POLE: variants seen among roughly 807,000 people sequenced by gnomAD.
POLE encodes the protein DNA polymerase epsilon, catalytic subunit.
POLE carries 188 observed loss-of-function variants against 279.2 expected under a neutral mutation model. That is an observed-to-expected ratio of 0.67 (90% confidence interval 0.60 to 0.76). POLE has a LOEUF of 0.76. Among genes scored for constraint, POLE ranks in the 30% least tolerant of loss-of-function variants. POLE has a pLI of 0.00. For missense variants in POLE, 2,703 were observed against 3,016.7 expected (o/e 0.90, Z 2.44); for synonymous variants, 1,214 against 1,172.5 (o/e 1.04, Z -0.72).
chr12:132,673,587 C>T lies in POLE; in HGVS notation c.1347G>A (p.Thr449=), dbSNP rs142373951. ...LDPEDMCRMA[T]EQPQTLATYS... ...GTGGCTTACGTGCCTGGGGCTGCTC[C>T]GTGGCCATCCGGCACATGTCCTCCG... Residue 449 remains threonine (T), a synonymous_variant, in exon 13 of 49, where the codon ACG becomes ACA. Transcript: ENST00000320574. 6.8e-4 allele frequency: 1,100 copies of T among 1,612,642 alleles called. 3 individuals carry two copies. Among genetic ancestry groups the T allele is most frequent in the Non-Finnish European group, 6.6e-4 (779 of 1,179,984 alleles).
chr12:132,642,959 T>A lies in POLE; in HGVS notation c.4589A>T (p.Tyr1530Phe), dbSNP rs761715703. 6.2e-7 allele frequency: 1 copy of A among 1,602,378 alleles called. No homozygotes were observed. ...SNQMPSLGALYSAEHGLLLEK... is the reference protein window; with the variant it reads ...SNQMPSLGALFSAEHGLLLEK... ...CAGGAGGAGGCCGTGCTCTGCTGAG[T>A]ACAGGGCGCCAAGGCTGGGCATCTG... The change falls in exon 36 of 49, where the codon TAC (tyrosine) becomes TTC (phenylalanine). Residue 1530 changes from tyrosine to phenylalanine, a missense_variant. Tyr to Phe is a conservative substitution (Grantham distance 22). This residue lies in a region of POLE where 1,551 missense variants were observed against 1,686.1 expected (regional missense o/e 0.92). Transcript: ENST00000320574.
chr12:132,640,435 C>A (rs1006409651), intron 39 of POLE, among the ~76,000 whole-genome samples: 14 of 152,260 alleles, frequency 9.2e-5, no homozygotes, highest in Admixed American at 9.2e-4. Context: ...GGTACCTAGA[C>A]ACAGGTCACA....
At chr12:132,674,318 CCTT>C (rs952526055) in intron 12 of POLE, among the ~76,000 whole-genome samples, 3 of 152,166 alleles carry the variant, frequency 2.0e-5, no homozygotes, top group South Asian at 2.1e-4. Flanking sequence ...CACCCTGTGG[CCTT>C]CTTCTCTCAC....
intron 29 of POLE, among the ~76,000 whole-genome samples, chr12:132,652,599 C>T (rs1052040347): frequency 5.3e-5 from 8 of 152,164 alleles, no homozygotes; most frequent in Non-Finnish European, 8.8e-5. Flanking sequence ...ACTGCAATTA[C>T]AGGCATGAGC....
In POLE at chr12:132,639,538, T is replaced by TCAACACAA. The variant is rs2042099682; in HGVS notation, c.5379-241_5379-240insTTGTGTTG. ...TTAAACTTGTTCAGGCTTCACCGCA[T>TCAACACAA]CCCAAACTCTGTGTGTTCTAAAGCA... On this transcript the variant is annotated intron_variant, in intron 39 of 48. Transcript: ENST00000320574. This position sits in a 1 kb window ranked among gnomAD's most constrained non-coding sequence, Gnocchi z 4.7. Among the ~76,000 whole-genome samples the TCAACACAA allele has an allele frequency of 6.6e-6, 1 of 151,720 alleles. No homozygotes were observed. The highest frequency in any genetic ancestry group is 6.6e-5 in the Admixed American group (1 of 15,256).
rs962542609 is a variant in POLE, at chr12:132,675,614, G to A, written c.1107-97C>T. 6.3e-6 allele frequency: 10 copies of A among 1,590,220 alleles called. No homozygotes were observed. The highest frequency in any genetic ancestry group is 2.2e-5 in the East Asian group (1 of 44,712). On this transcript the variant is annotated intron_variant, in intron 11 of 48. Coordinates refer to ENST00000320574, the MANE Select transcript of POLE (RefSeq NM_006231.4). The surrounding 1 kb of genome is among the most constrained non-coding windows in gnomAD (Gnocchi z 4.3). ...CAGACCCAGGGAGGAACCCAGACAC[G>A]GGAGGTGCAGAGTGAACCCAGGAGC...
intron 16 of POLE, among the ~76,000 whole-genome samples, chr12:132,671,413 G>A (rs2042925513): frequency 6.6e-6 from 1 of 151,360 alleles, no homozygotes; most frequent in African/African-American, 2.5e-5. Context: ...CCTCACACCT[G>A]TAATCCCAGC....
rs1483809345 is a variant in POLE, at chr12:132,676,630, G to C, written c.825C>G (p.Asp275Glu). Residue 275 changes from aspartate (D) to glutamate (E), a missense_variant, in exon 9 of 49, where the codon GAC becomes GAG. Around this residue, in one of 5 missense-constraint regions of POLE, gnomAD observed 1,011 missense variants for 1,111.7 expected, o/e 0.91. Transcript: ENST00000320574. ...TGAGGGGCAGTTTGGTCGTCTCAAT[G>C]TCAAATGCCAAAACCACAGGGTCCT... is the stretch of plus-strand genomic sequence containing the variant. The part of the protein sequence containing the change: ...ERPDPVVLAF[D>E]IETTKLPLKF... 5.0e-6 allele frequency: 8 copies of C among 1,613,272 alleles called. No homozygotes were observed. Among genetic ancestry groups the C allele is most frequent in the Non-Finnish European group, 6.8e-6 (8 of 1,179,278 alleles).
At chr12:132,647,416 A>G (rs2042310914) in intron 32 of POLE, among the ~76,000 whole-genome samples, 1 of 152,146 alleles carries the variant, frequency 6.6e-6, no homozygotes, top group Admixed American at 6.5e-5. Flanking sequence ...AAAATTAAAA[A>G]TAATTTAAAG....
Position 132,639,138 on chromosome 12 carries a change from T to G in POLE, c.5539A>C (p.Lys1847Gln), listed in dbSNP as rs757533247. 6.2e-7 allele frequency: 1 copy of G among 1,614,078 alleles called. No homozygotes were observed. The highest frequency in any genetic ancestry group is 8.5e-7 in the Non-Finnish European group (1 of 1,180,004). Residue 1847 changes from lysine (K) to glutamine (Q), a missense_variant, in exon 40 of 49, where the codon AAG (lysine) becomes CAG (glutamine). By Grantham distance (53) the Lys-to-Gln change is moderately conservative. Around this residue, in one of 5 missense-constraint regions of POLE, gnomAD observed 1,551 missense variants for 1,686.1 expected, o/e 0.92. Transcript: ENST00000320574. This position sits in a 1 kb window ranked among gnomAD's most constrained non-coding sequence, Gnocchi z 4.7. ...AGGAGCACTCACTGCAGGAAGAGCTTCTTCATCATGTTGTGGAGTGTGCGG... is the reference window on the plus strand; with the variant it reads ...AGGAGCACTCACTGCAGGAAGAGCTGCTTCATCATGTTGTGGAGTGTGCGG... ...LHRTLHNMMK[K>Q]LFLQLIAEFK...
chr12:132,668,849 C>A lies in POLE; in HGVS notation c.1885G>T (p.Ala629Ser), dbSNP rs1481858602. The change falls in exon 17 of 49, where the codon GCC becomes TCC. Residue 629 changes from alanine to serine, a missense_variant. Transcript: ENST00000320574. This position sits in a 1 kb window ranked among gnomAD's most constrained non-coding sequence, Gnocchi z 4.0. ...GTCAGGATGATGTTGGGGTACATGG[C>A]CCCCACGTCCAGGTGGTAGATGAGT... ...CPLIYHLDVG[A>S]MYPNIILTNR... The A allele has an allele frequency of 6.2e-7, 1 of 1,613,928 alleles. No homozygotes were observed. The highest frequency in any genetic ancestry group is 1.7e-5 in the Admixed American group (1 of 59,988).
At chr12:132,631,222 T>C (rs1247460103) in intron 45 of POLE, among the ~76,000 whole-genome samples, 2 of 152,086 alleles carry the variant, frequency 1.3e-5, no homozygotes, top group East Asian at 1.9e-4. Flanking sequence ...TCTCTACTTA[T>C]GTGACGCTCT....
At position 132,649,890 on chromosome 12, in the gene POLE, C is replaced by A; in HGVS notation, c.3583-1G>T. The stretch of plus-strand genomic sequence containing the variant: ...CTTCTGAGGCCTCGGCCATCGTGAC[C>A]TGGAAAGACCCAGTGAAGCCTTAAA... On this transcript the variant is annotated splice_acceptor_variant, in intron 29 of 48. Coordinates refer to ENST00000320574, the MANE Select transcript of POLE (RefSeq NM_006231.4). LOFTEE classifies it high-confidence loss of function. 6.2e-7 allele frequency: 1 copy of A among 1,613,462 alleles called. No homozygotes were observed. Among genetic ancestry groups the A allele is most frequent in the Non-Finnish European group, 8.5e-7 (1 of 1,179,776 alleles).
At chr12:132,686,765 C>G (rs140601437) in intron 1 of POLE, among the ~76,000 whole-genome samples, 2,730 of 152,154 alleles carry the variant, frequency 0.018, 128 homozygotes, top group Admixed American at 0.069. Context: ...GACGAGGTCT[C>G]TCTCTGTAGC....
chr12:132,666,640 C>A (rs5744811), intron 20 of POLE, among the ~76,000 whole-genome samples: 1 of 151,940 alleles, frequency 6.6e-6, no homozygotes, highest in Non-Finnish European at 1.5e-5. Context: ...AAATACTGCA[C>A]GGTTCACTTA....
At chr12:132,680,546 T>C in intron 3 of POLE, 61 bp downstream of exon 3, 1 of 1,321,026 alleles carries the variant, frequency 7.6e-7, no homozygotes, top group Non-Finnish European at 1.1e-6. Flanking sequence ...TCCCTGACAG[T>C]CACAGAGCTA....
chr12:132,652,528 T>C (rs913356115), intron 29 of POLE, among the ~76,000 whole-genome samples: 1 of 152,070 alleles, frequency 6.6e-6, no homozygotes, highest in East Asian at 1.9e-4. Flanking sequence ...CTCCCTATGT[T>C]GCCCAGGCTC....
At chr12:132,659,234 A>G (rs548056715) in intron 26 of POLE, 61 bp downstream of exon 26, 57 of 1,519,166 alleles carry the variant, frequency 3.8e-5, no homozygotes, top group Non-Finnish European at 4.4e-5. Flanking sequence ...TGACGGAGGG[A>G]GCCCTCACCT....
rs1436888804 is a variant in POLE at position 132,643,036 on chromosome 12, G to A, written c.4552-40C>T. 5.2e-6 allele frequency: 8 copies of A among 1,551,988 alleles called. No homozygotes were observed. Among genetic ancestry groups the A allele is most frequent in the African/African-American group, 1.4e-5 (1 of 72,638 alleles). ...GCCACGTCAGCCTCCCCCTGCGCAG[G>A]AGGAAGTGGGGGCAGCCCTGGGGCA... On this transcript the variant is annotated intron_variant, in intron 35 of 48. Coordinates refer to ENST00000320574, the MANE Select transcript of POLE (RefSeq NM_006231.4).
Sources: allele counts gnomAD v4.1 joint callset (sites outside exome capture counted in the v4.1 genomes callset), GRCh38; gene constraint gnomAD v4.1.1; regional missense constraint gnomAD v4.1.1; non-coding constraint Gnocchi (gnomAD v3.1); transcripts MANE v1.5; gene names NCBI Gene and HGNC (gene_info 2026-07-23, HGNC 2026-07-21).